Variants in FAM110B observed in about 807,000 individuals in gnomAD.
FAM110B encodes the protein family with sequence similarity 110 member B.
FAM110B carries 6 observed loss-of-function variants against 20.4 expected under a neutral mutation model. The ratio of observed to expected loss-of-function variants is 0.29; its 90% CI spans 0.16 to 0.58. FAM110B has a LOEUF of 0.58. FAM110B is among the 20% of genes least tolerant of loss of function. FAM110B has a pLI of 0.90. For synonymous variants in FAM110B, 226 were observed against 214.1 expected (o/e 1.06, Z -0.49); for missense variants, 434 against 498.2 (o/e 0.87, Z 1.23).
At chr8:58,052,164 CT>C (rs1805458855) in intron 2 of FAM110B, among the ~76,000 whole-genome samples, 1 of 152,194 alleles carries the variant, frequency 6.6e-6, no homozygotes, top group Admixed American at 6.5e-5. Context: ...AAAATGCTGG[CT>C]TTACAAATAC....
chr8:58,145,087 A>T (rs1312817591), intron 3 of FAM110B, among the ~76,000 whole-genome samples: 1 of 152,218 alleles, frequency 6.6e-6, no homozygotes, highest in Non-Finnish European at 1.5e-5. Flanking sequence ...CATACCATGA[A>T]GAAACTTTTG....
intron 3 of FAM110B, among the ~76,000 whole-genome samples, chr8:58,094,933 A>AC (rs1806582656): frequency 6.6e-6 from 1 of 152,056 alleles, no homozygotes; most frequent in Non-Finnish European, 1.5e-5. Context: ...AGAACTTGTT[A>AC]ATGTTTCTAT....
chr8:58,091,905 A>C (rs1403018493), intron 3 of FAM110B, among the ~76,000 whole-genome samples: 1 of 152,180 alleles, frequency 6.6e-6, no homozygotes, highest in African/African-American at 2.4e-5. Flanking sequence ...ACTCCATACC[A>C]GTTTTAAAGA....
chr8:57,998,740 T>C (rs2150560896), intron 1 of FAM110B, among the ~76,000 whole-genome samples: 1 of 152,320 alleles, frequency 6.6e-6, no homozygotes, highest in South Asian at 2.1e-4. Context: ...GAAACTTAGT[T>C]TTTCATTCTT....
Position 58,146,169 on chromosome 8 carries a change from C to T in FAM110B, c.-62C>T. 6.5e-7 allele frequency: 1 copy of T among 1,528,570 alleles called. No individual in the cohort carries two copies. The allele number at this position is 1,528,570 out of a possible 1,614,324, so 94.7% of individuals were successfully genotyped here. A position where few individuals can be genotyped will look rare whatever the true frequency, so the allele number is the denominator to read the frequency against. Reference sequence around the variant, plus strand: ...GGCGCTTCATGTACATGTGTCTATTCAGGCCTTGCGGAGGCGCCCAGAAGA... The same window carrying T: ...GGCGCTTCATGTACATGTGTCTATTTAGGCCTTGCGGAGGCGCCCAGAAGA... On this transcript the variant is annotated 5_prime_UTR_variant, in exon 4 of 4. Transcript: ENST00000519262.
At position 58,146,711 on chromosome 8, in the gene FAM110B, G is replaced by A; in HGVS notation, c.481G>A (p.Glu161Lys). 1 of 1,612,426 alleles carries A rather than the reference G, an allele frequency of 6.2e-7. No individual in the cohort carries two copies. The highest frequency in any genetic ancestry group is 1.3e-5 in the African/African-American group (1 of 75,024). The change falls in exon 4 of 4, where the codon GAG becomes AAG. Residue 161 changes from glutamate (E) to lysine (K), a missense_variant. Glu to Lys is a moderately conservative substitution (Grantham distance 56, BLOSUM62 1). Coordinates refer to ENST00000519262, the MANE Select transcript of FAM110B (RefSeq NM_001377989.1). ...ATDLHRHSFA[E>K]SLKVYPTQGR... is the part of the protein sequence containing the mutation. The stretch of plus-strand genomic sequence containing the variant: ...TGACCTGCACCGTCACTCCTTCGCG[G>A]AGTCCCTGAAGGTCTACCCCACGCA...
intron 2 of FAM110B, chr8:58,032,229 T>C (rs991680255): frequency 3.9e-5 from 6 of 152,216 alleles, no homozygotes; most frequent in African/African-American, 7.2e-5. Flanking sequence ...ACTTCCCCAA[T>C]TGGGACTGTT....
Position 58,143,310 on chromosome 8 carries a change from G to A in FAM110B, c.-324-2597G>A, listed in dbSNP as rs777329610. ...CTTTTGGGTCTTCCAATAAGATGAA[G>A]TTGTTTTTTTTCCTTCCCAGAGTTC... On this transcript the variant is annotated intron_variant, in intron 3 of 3. Transcript: ENST00000519262. Among the ~76,000 whole-genome samples, 6 of 152,136 alleles carry A rather than the reference G, an allele frequency of 3.9e-5. 1 individual carries two copies. The highest frequency in any genetic ancestry group is 1.5e-5 in the Non-Finnish European group (1 of 68,046).
chr8:58,006,923 A>ATATATATATATATATATATATATATT, intron 1 of FAM110B, among the ~76,000 whole-genome samples: 3 of 126,514 alleles, frequency 2.4e-5, no homozygotes, highest in East Asian at 2.4e-4. Context: ...ATATATATAT[A>ATATATATATATATATATATATATATT]TTTTTCCAAA....
chr8:58,041,113 G>A (rs1278753447), intron 2 of FAM110B, among the ~76,000 whole-genome samples: 1 of 151,848 alleles, frequency 6.6e-6, no homozygotes, highest in Non-Finnish European at 1.5e-5. Context: ...GCTAATTTTT[G>A]TATTTTCAGC....
intron 1 of FAM110B, among the ~76,000 whole-genome samples, chr8:58,001,266 G>A (rs1164837169): frequency 6.6e-6 from 1 of 152,096 alleles, no homozygotes; most frequent in African/African-American, 2.4e-5. Context: ...CTTTTAGGTA[G>A]TGCCAGAGAA....
chr8:58,026,511 A>T (rs1804858811), intron 1 of FAM110B, among the ~76,000 whole-genome samples: 1 of 152,096 alleles, frequency 6.6e-6, no homozygotes, highest in Non-Finnish European at 1.5e-5. Flanking sequence ...ATTGTATATC[A>T]TTTTAGTCAT....
At chr8:58,083,241 A>G (rs1309095072) in intron 3 of FAM110B, among the ~76,000 whole-genome samples, 10 of 152,190 alleles carry the variant, frequency 6.6e-5, no homozygotes, top group East Asian at 3.8e-4. Flanking sequence ...TGCTGGAGAA[A>G]GAAAGGCAAA....
chr8:58,062,814 C>T (rs1470025094), intron 2 of FAM110B, among the ~76,000 whole-genome samples: 1 of 152,192 alleles, frequency 6.6e-6, no homozygotes, highest in Non-Finnish European at 1.5e-5. Context: ...GCTTTCCAGA[C>T]ATTTGAATCT....
chr8:58,021,019 G>A (rs1804741552), intron 1 of FAM110B, among the ~76,000 whole-genome samples: 1 of 152,186 alleles, frequency 6.6e-6, no homozygotes. Flanking sequence ...CCATAGAAAA[G>A]TAACTTTTTA....
At chr8:58,083,611 G>A (rs1408503630) in intron 3 of FAM110B, among the ~76,000 whole-genome samples, 1 of 152,112 alleles carries the variant, frequency 6.6e-6, no homozygotes, top group East Asian at 1.9e-4. Flanking sequence ...CTATTTCGGG[G>A]AAGTGGCACC....
Position 58,031,887 on chromosome 8 carries a change from A to G in FAM110B, c.-414+184A>G, listed in dbSNP as rs559920821. ...TCCCTTCCTCCCCCTTCCTTTTCAT[A>G]TATTCATTTAGCAAACTTTTGTGGA... On this transcript the variant is annotated intron_variant, in intron 2 of 3. Transcript: ENST00000519262. Among the ~76,000 whole-genome samples, 8 of 151,012 alleles carry G rather than the reference A, an allele frequency of 5.3e-5. No individual in the cohort carries two copies. The South Asian group carries it at 1.3e-3, about 24-fold the overall frequency.
At chr8:58,097,307 G>T (rs6471683) in intron 3 of FAM110B, among the ~76,000 whole-genome samples, 10,036 of 152,134 alleles carry the variant, frequency 0.066, 634 homozygotes, top group African/African-American at 0.16. Context: ...ATCAGTCTCT[G>T]ATATCCTTTA....
intron 3 of FAM110B, among the ~76,000 whole-genome samples, chr8:58,135,157 A>G (rs1052556678): frequency 6.6e-6 from 1 of 152,190 alleles, no homozygotes; most frequent in South Asian, 2.1e-4. Context: ...AACATCTTAG[A>G]CATCCTCTTT....
Sources: gnomAD v4.1 joint callset for allele counts (sites outside exome capture counted in the v4.1 genomes callset) on GRCh38, gnomAD v4.1.1 for gene constraint, MANE v1.5 for transcripts, NCBI Gene and HGNC (gene_info 2026-07-23, HGNC 2026-07-21) for gene names.